ASB15: variants seen among roughly 807,000 people sequenced by gnomAD.
ASB15 encodes ankyrin repeat and SOCS box protein 15.
Under a neutral mutation model 58.0 loss-of-function variants are expected in ASB15, and 54 were observed. The ratio of observed to expected loss-of-function variants is 0.93; its 90% CI spans 0.75 to 1.17. ASB15 has a LOEUF of 1.17. ASB15 is among the 50% of genes most tolerant of loss of function. The pLI, the probability that ASB15 is intolerant of heterozygous loss-of-function variation, is 0.00. For missense variants in ASB15, 680 were observed against 707.4 expected, an observed-to-expected ratio of 0.96 and a Z score of 0.44; for synonymous variants, 249 against 262.4, an observed-to-expected ratio of 0.95 and a Z score of 0.50.
At chr7:123,603,271 A>C (rs1229000773) in intron 1 of ASB15, among the ~76,000 whole-genome samples, 1 of 152,166 alleles carries the variant, frequency 6.6e-6, no homozygotes, top group Non-Finnish European at 1.5e-5. Flanking sequence ...CAGACGTTGA[A>C]TGTATATTTT....
chr7:123,633,299 TA>T (rs1802222842), intron 11 of ASB15, among the ~76,000 whole-genome samples: 1 of 151,970 alleles, frequency 6.6e-6, no homozygotes, highest in Admixed American at 6.6e-5. Context: ...AGTACATAGA[TA>T]AAATAAATAA....
At position 123,618,745 on chromosome 7, in the gene ASB15, TA is replaced by T. The variant is rs140899216; in HGVS notation, c.451+1017del. Among the ~76,000 whole-genome samples the T allele has an allele frequency of 6.9e-3, 1,050 of 151,762 alleles. 15 individuals are homozygous for T. The highest frequency in any genetic ancestry group is 0.024 in the African/African-American group (1,003 of 41,424). On this transcript the variant is annotated intron_variant, in intron 7 of 11. Transcript: ENST00000451215. ...AGCTCCTGTTCACAGAGGAATCACT[TA>T]AAAAAAAATTTTAAACAACCTTAAT...
At chr7:123,583,751 C>T (rs1799300377) in intron 1 of ASB15, among the ~76,000 whole-genome samples, 1 of 151,788 alleles carries the variant, frequency 6.6e-6, no homozygotes, top group South Asian at 2.1e-4. Flanking sequence ...GTCTCTTTTC[C>T]TCATAACATC....
intron 1 of ASB15, among the ~76,000 whole-genome samples, chr7:123,582,408 T>C (rs1286774257): frequency 6.6e-6 from 1 of 151,972 alleles, no homozygotes; most frequent in South Asian, 2.1e-4. Context: ...CCTTTTCTCA[T>C]TGCCACCGTC....
intron 11 of ASB15, among the ~76,000 whole-genome samples, chr7:123,630,748 T>C (rs1802076029): frequency 6.6e-6 from 1 of 152,200 alleles, no homozygotes; most frequent in South Asian, 2.1e-4. Context: ...ACTTTCAAAA[T>C]ATAAGTTTGG....
intron 1 of ASB15, among the ~76,000 whole-genome samples, chr7:123,567,555 A>G (rs12538107): frequency 0.16 from 24,096 of 152,124 alleles, 2,099 homozygotes; most frequent in South Asian, 0.22. Context: ...ACTGGGTCCT[A>G]CCAAAGTTAG....
At chr7:123,621,007 G>A (rs1801287857) in intron 7 of ASB15, among the ~76,000 whole-genome samples, 1 of 152,096 alleles carries the variant, frequency 6.6e-6, no homozygotes, top group East Asian at 1.9e-4. Context: ...TGCAAATACA[G>A]AATTATTCTC....
rs1404135957 is a variant in ASB15, at chr7:123,591,737, C to A, written c.-442-12295C>A. 2.6e-5 allele frequency among the ~76,000 whole-genome samples: 4 copies of A among 152,138 alleles called. No individual in the cohort carries two copies. In the South Asian group the frequency reaches 8.3e-4, roughly 32 times the overall value. ...TGAGGATTTTCACATCGATGTTCAT[C>A]AGGGATATTGGCCTAAAATTATCTT... On this transcript the variant is annotated intron_variant, in intron 1 of 13. Transcript: ENST00000451558.
intron 9 of ASB15, 129 bp downstream of exon 9, chr7:123,627,410 T>C: frequency 1.5e-6 from 1 of 680,766 alleles, no homozygotes; most frequent in Non-Finnish European, 2.2e-6. Flanking sequence ...CAGGTTTTGA[T>C]GCTCCAAATT....
chr7:123,580,156 G>T (rs899718901), intron 1 of ASB15, among the ~76,000 whole-genome samples: 5 of 151,966 alleles, frequency 3.3e-5, no homozygotes, highest in Non-Finnish European at 7.4e-5. Context: ...AGGAAATGGG[G>T]GAGTGGCAAG....
chr7:123,584,308 CAAAAAAA>C (rs59126257), intron 1 of ASB15, among the ~76,000 whole-genome samples: 1 of 99,530 alleles, frequency 1.0e-5, no homozygotes, highest in Admixed American at 1.1e-4. Context: ...AAGGCCTTGT[CAAAAAAA>C]AAAAAAAAAA....
chr7:123,578,887 G>A (rs1230001360), intron 1 of ASB15, among the ~76,000 whole-genome samples: 1 of 152,044 alleles, frequency 6.6e-6, no homozygotes, highest in Non-Finnish European at 1.5e-5. Flanking sequence ...CTATGACAAT[G>A]TAATTTACAT....
intron 1 of ASB15, 76 bp downstream of exon 1, chr7:123,601,990 C>T (rs1386555169): frequency 6.6e-6 from 1 of 152,140 alleles, no homozygotes; most frequent in African/African-American, 2.4e-5. Context: ...ATATTTTAAA[C>T]AGATTGAAAT....
Position 123,623,851 on chromosome 7 carries a change from G to A in ASB15, c.452-718G>A, listed in dbSNP as rs376611757. Among the ~76,000 whole-genome samples the A allele has an allele frequency of 2.3e-3, 289 of 126,728 alleles. 4 individuals carry two copies. Among genetic ancestry groups the A allele is most frequent in the African/African-American group, 8.1e-3 (264 of 32,450 alleles). 83.1% of individuals were successfully genotyped at this position (126,728 alleles called of 152,430 possible). A position where few individuals can be genotyped will look rare whatever the true frequency, so the allele number is the denominator to read the frequency against. ...CGCACTCCAGCCTGAGCGACAGAGC[G>A]AGACTCTGTCTCAAAAAAAAAAAAA... is the stretch of plus-strand genomic sequence containing the variant. On this transcript the variant is annotated intron_variant, in intron 7 of 11. Transcript: ENST00000451215.
upstream of ASB15, among the ~76,000 whole-genome samples, chr7:123,597,594 G>C (rs1035415878): frequency 6.6e-6 from 1 of 152,136 alleles, no homozygotes; most frequent in African/African-American, 2.4e-5. Context: ...CACTTTGGGA[G>C]GCCAAGGTGG....
At chr7:123,602,662 A>G (rs1799944831) in intron 1 of ASB15, among the ~76,000 whole-genome samples, 1 of 152,228 alleles carries the variant, frequency 6.6e-6, no homozygotes, top group Non-Finnish European at 1.5e-5. Context: ...AGAATATTTT[A>G]TCTTCAAATA....
At chr7:123,627,989 T>TA (rs1252601803) in intron 9 of ASB15, among the ~76,000 whole-genome samples, 1 of 152,218 alleles carries the variant, frequency 6.6e-6, no homozygotes, top group Non-Finnish European at 1.5e-5. Flanking sequence ...GACATGTTGT[T>TA]AGAGTTTACC....
At chr7:123,577,236 T>C (rs1799091845) in intron 1 of ASB15, among the ~76,000 whole-genome samples, 1 of 152,190 alleles carries the variant, frequency 6.6e-6, no homozygotes, top group African/African-American at 2.4e-5. Context: ...TATTGCAGGA[T>C]ATGGCCATGA....
intron 4 of ASB15, among the ~76,000 whole-genome samples, chr7:123,615,129 A>C (rs1347529838): frequency 6.6e-6 from 1 of 152,212 alleles, no homozygotes; most frequent in East Asian, 1.9e-4. Flanking sequence ...TATATGGCAA[A>C]GTAATATACA....
Sources: allele counts gnomAD v4.1 joint callset (sites outside exome capture counted in the v4.1 genomes callset), GRCh38; gene constraint gnomAD v4.1.1; transcripts MANE v1.5; gene names NCBI Gene and HGNC (gene_info 2026-07-23, HGNC 2026-07-21).